PCDHGA5: variants seen among roughly 807,000 people sequenced by gnomAD.
The protein encoded by PCDHGA5 is protocadherin gamma subfamily A, 5, also known as protocadherin gamma-A5.
A neutral mutation model predicts 56.7 loss-of-function variants in PCDHGA5; 36 were observed. The ratio of observed to expected loss-of-function variants is 0.64; its 90% CI spans 0.49 to 0.84. PCDHGA5 has a LOEUF of 0.84. Ranked by LOEUF, PCDHGA5 falls within the 40% of genes least tolerant of loss-of-function variation. The probability of loss-of-function intolerance (pLI) is 0.00; values close to 1 mark genes in which losing one functional copy is unlikely to be tolerated. For synonymous variants in PCDHGA5, 563 were observed against 520.2 expected (o/e 1.08, Z -1.12); for missense variants, 1,305 against 1,201.5 (o/e 1.09, Z -1.27).
At chr5:141,441,790 A>G in intron 1 of PCDHGA5, 1 of 391,228 alleles carries the variant, frequency 2.6e-6, no homozygotes, top group South Asian at 2.0e-5. Context: ...CTGAATGACA[A>G]CGCACCGCGG....
At chr5:141,389,997 A>T (rs1278035747) in intron 1 of PCDHGA5, 1 of 1,613,962 alleles carries the variant, frequency 6.2e-7, no homozygotes, top group Non-Finnish European at 8.5e-7. Flanking sequence ...CCTCGTGGCC[A>T]TGATTCTGGC....
At chr5:141,503,116 A>G (rs1303445673) in intron 2 of PCDHGA5, among the ~76,000 whole-genome samples, 11 of 151,656 alleles carry the variant, frequency 7.3e-5, no homozygotes, top group Admixed American at 4.6e-4. Flanking sequence ...GCCTCTCTTC[A>G]TACCCTCTGG....
chr5:141,413,265 T>C, intron 1 of PCDHGA5: 1 of 1,613,958 alleles, frequency 6.2e-7, no homozygotes, highest in Non-Finnish European at 8.5e-7. Context: ...CATGGGAGGC[T>C]GGAGCCCGGC....
In PCDHGA5 at chr5:141,365,630, A is replaced by G. The variant is rs1486638134; in HGVS notation, c.1300A>G (p.Thr434Ala). The G allele has an allele frequency of 6.2e-7, 1 of 1,613,404 alleles. No individual in the cohort carries two copies. Among genetic ancestry groups the G allele is most frequent in the East Asian group, 2.2e-5 (1 of 44,874 alleles). ...GGACCATGGAACCCCGCCCCTCTCTACAGAAAGCCACATCCCCTTGAAAGT... is the reference window on the plus strand; with the variant it reads ...GGACCATGGAACCCCGCCCCTCTCTGCAGAAAGCCACATCCCCTTGAAAGT... ...VMDHGTPPLS[T>A]ESHIPLKVAD... The change falls in exon 1 of 4, where the codon ACA becomes GCA. Residue 434 changes from threonine (T) to alanine (A), a missense_variant. Physicochemically the swap from Thr to Ala is moderately conservative, Grantham distance 58. Transcript: ENST00000518069.
At chr5:141,419,939 G>T in intron 1 of PCDHGA5, 1 of 1,614,054 alleles carries the variant, frequency 6.2e-7, no homozygotes. Flanking sequence ...TTACCTGGTG[G>T]TGGCCTTGGC....
At chr5:141,394,884 C>T (rs2093119839) in intron 1 of PCDHGA5, 2 of 1,613,902 alleles carry the variant, frequency 1.2e-6, no homozygotes, top group Non-Finnish European at 1.7e-6. Flanking sequence ...GAGCCTTACA[C>T]TCTATCTCGT....
At chr5:141,393,968 C>T (rs2092886432) in intron 1 of PCDHGA5, 1 of 1,613,770 alleles carries the variant, frequency 6.2e-7, no homozygotes, top group Non-Finnish European at 8.5e-7. Context: ...TTGTCTGTTA[C>T]ACACGTGATA....
intron 3 of PCDHGA5, among the ~76,000 whole-genome samples, chr5:141,509,362 G>C (rs2099876497): frequency 6.6e-6 from 1 of 152,152 alleles, no homozygotes; most frequent in Non-Finnish European, 1.5e-5. Flanking sequence ...GCATCCCTGA[G>C]GTTTTAACTG....
At position 141,432,908 on chromosome 5, in the gene PCDHGA5, C is replaced by A. The variant is rs757934634; in HGVS notation, c.2422-61899C>A. On this transcript the variant is annotated intron_variant, in intron 1 of 3. Coordinates refer to ENST00000518069, the MANE Select transcript of PCDHGA5 (RefSeq NM_018918.3). This position sits in a 1 kb window ranked among gnomAD's most constrained non-coding sequence, Gnocchi z 6.0. ...CATCTTGCTGCTGGCGCTCAGGCTGCGGCGCTGGCACAAGTCACGCCTGCT... is the reference window on the plus strand; with the variant it reads ...CATCTTGCTGCTGGCGCTCAGGCTGAGGCGCTGGCACAAGTCACGCCTGCT... The A allele has an allele frequency of 1.6e-5, 26 of 1,614,168 alleles. No individual in the cohort carries two copies. Among genetic ancestry groups the A allele is most frequent in the Middle Eastern group, 1.7e-4 (1 of 6,060 alleles).
At chr5:141,430,986 C>G (rs549700048) in intron 1 of PCDHGA5, 1 of 1,613,762 alleles carries the variant, frequency 6.2e-7, no homozygotes, top group African/African-American at 1.3e-5. Context: ...CAGCTTTTCG[C>G]CCTGAATCCG....
At chr5:141,407,547 T>C (rs895082728) in intron 1 of PCDHGA5, among the ~76,000 whole-genome samples, 1 of 151,860 alleles carries the variant, frequency 6.6e-6, no homozygotes, top group Non-Finnish European at 1.5e-5. Flanking sequence ...GGTAACAGAT[T>C]GTAGAACATA....
intron 1 of PCDHGA5, among the ~76,000 whole-genome samples, chr5:141,474,089 CAAACAACAACAA>C (rs985204397): frequency 3.3e-5 from 5 of 152,116 alleles, no homozygotes; most frequent in Admixed American, 2.0e-4. Flanking sequence ...AACCAAAAAA[CAAACAACAACAA>C]AAACAACAAC....
At chr5:141,452,134 T>C (rs539377216) in intron 1 of PCDHGA5, among the ~76,000 whole-genome samples, 2 of 152,344 alleles carry the variant, frequency 1.3e-5, no homozygotes, top group South Asian at 2.1e-4. Flanking sequence ...ATATGGCTCA[T>C]GTGTTTTTTC....
chr5:141,512,942 C>T lies in PCDHGA5; in HGVS notation c.*1769C>T, dbSNP rs1596321854. 3.3e-5 allele frequency: 5 copies of T among 151,644 alleles called. No individual in the cohort carries two copies. The South Asian group carries it at 1.0e-3, about 32-fold the overall frequency. The allele number at this position is 151,644 out of a possible 1,614,324, so 9.4% of individuals were successfully genotyped here. On this transcript the variant is annotated 3_prime_UTR_variant, in exon 4 of 4. Transcript: ENST00000518069. Reference sequence around the variant, plus strand: ...TAATATTTATATGGCTTTTTTTCTTCGACAAAAAAATAATAAAACGTTTCT... The same window carrying T: ...TAATATTTATATGGCTTTTTTTCTTTGACAAAAAAATAATAAAACGTTTCT...
intron 1 of PCDHGA5, chr5:141,393,480 T>G (rs1026854698): frequency 5.0e-6 from 8 of 1,613,942 alleles, no homozygotes; most frequent in Non-Finnish European, 6.8e-6. Context: ...GCCGCCTCGC[T>G]CTAGCACAGT....
At chr5:141,466,457 A>G (rs969935541) in intron 1 of PCDHGA5, among the ~76,000 whole-genome samples, 12 of 152,146 alleles carry the variant, frequency 7.9e-5, no homozygotes, top group Admixed American at 6.6e-4. Context: ...GGTGTTGGCT[A>G]TTGTTTCTGC....
At chr5:141,405,188 G>T (rs2094622261) in intron 1 of PCDHGA5, 1 of 1,613,954 alleles carries the variant, frequency 6.2e-7, no homozygotes, top group African/African-American at 1.3e-5. Context: ...TGTAGATGGG[G>T]TTCGAGCTTT....
At chr5:141,406,448 A>G (rs149183502) in intron 1 of PCDHGA5, among the ~76,000 whole-genome samples, 1 of 152,348 alleles carries the variant, frequency 6.6e-6, no homozygotes, top group African/African-American at 2.4e-5. Context: ...TTCCATTTCT[A>G]TGACAGGAAA....
intron 1 of PCDHGA5, chr5:141,423,850 A>G: frequency 1.6e-6 from 2 of 1,278,674 alleles, no homozygotes; most frequent in East Asian, 3.1e-5. Flanking sequence ...ATCTTTCAGA[A>G]CGTTTTTGTG....
Sources: gnomAD v4.1 joint callset for allele counts (sites outside exome capture counted in the v4.1 genomes callset) on GRCh38, gnomAD v4.1.1 for gene constraint, Gnocchi (gnomAD v3.1) non-coding constraint, MANE v1.5 for transcripts, NCBI Gene and HGNC (gene_info 2026-07-23, HGNC 2026-07-21) for gene names.